CORO2B: variants seen among roughly 807,000 people sequenced by gnomAD.
CORO2B encodes coronin-2B.
Under a neutral mutation model 58.8 loss-of-function variants are expected in CORO2B, and 26 were observed. The ratio of observed to expected loss-of-function variants is 0.44; its 90% CI spans 0.32 to 0.61. The LOEUF is 0.61. Among genes scored for constraint, CORO2B ranks in the 20% least tolerant of loss-of-function variants. The probability of loss-of-function intolerance (pLI) is 0.04; values close to 1 mark genes in which losing one functional copy is unlikely to be tolerated. For synonymous variants in CORO2B, 242 were observed against 253.8 expected (o/e 0.95, Z 0.44); for missense variants, 460 against 645.1 (o/e 0.71, Z 3.11).
At chr15:68,545,526 A>C in the CORO2B span, among the ~76,000 whole-genome samples, 1 of 149,722 alleles carries the variant, frequency 6.7e-6, no homozygotes, top group Non-Finnish European at 1.5e-5. Flanking sequence ...ATCTTCTGGA[A>C]GCTCCCTGAG....
chr15:68,589,619 T>C lies in CORO2B; in HGVS notation c.15+10342T>C, dbSNP rs1595954622. On this transcript the variant is annotated intron_variant, in intron 1 of 11. Coordinates refer to ENST00000261861, the MANE Select transcript of CORO2B (RefSeq NM_006091.5). ...GAGTGGGAACTGGGGCTCCCCCAAGTTACTGCTCAGGTTGGGTTTTCCAAT... is the reference window on the plus strand; with the variant it reads ...GAGTGGGAACTGGGGCTCCCCCAAGCTACTGCTCAGGTTGGGTTTTCCAAT... Among the ~76,000 whole-genome samples the C allele has an allele frequency of 4.6e-5, 7 of 152,356 alleles. 1 individual carries two copies. Among genetic ancestry groups the C allele is most frequent in the Admixed American group, 4.6e-4 (7 of 15,308 alleles).
chr15:68,590,184 G>T (rs1338074116), intron 1 of CORO2B, among the ~76,000 whole-genome samples: 1 of 152,102 alleles, frequency 6.6e-6, no homozygotes, highest in African/African-American at 2.4e-5. Flanking sequence ...GAGAGTGGGT[G>T]GAGGGAAGGG....
the CORO2B span, among the ~76,000 whole-genome samples, chr15:68,546,859 C>T: frequency 6.6e-6 from 1 of 152,136 alleles, no homozygotes; most frequent in Admixed American, 6.5e-5. Context: ...AGGGAATACT[C>T]CTCTAATATT....
At chr15:68,698,193 C>T (rs1484790969) in intron 3 of CORO2B, among the ~76,000 whole-genome samples, 1 of 152,242 alleles carries the variant, frequency 6.6e-6, no homozygotes, top group Non-Finnish European at 1.5e-5. Flanking sequence ...CTGCTCGCTG[C>T]AAAGCCCATG....
In CORO2B at chr15:68,645,206, A is replaced by G; in HGVS notation, c.62A>G (p.Tyr21Cys). 6.2e-7 allele frequency: 1 copy of G among 1,613,962 alleles called. No homozygotes were observed. The highest frequency in any genetic ancestry group is 1.1e-5 in the South Asian group (1 of 91,076). The stretch of plus-strand genomic sequence containing the variant: ...CGTAGCTCCAAGTTCCGGAATGTCT[A>G]CGGGAAGGTGGCCAACCGGGAGCAC... ...QYRSSKFRNV[Y>C]GKVANREHCF... Residue 21 changes from tyrosine (Y) to cysteine (C), a missense_variant, in exon 2 of 12, where the codon TAC becomes TGC. Tyr to Cys is a radical substitution (Grantham distance 194). This residue lies in a region of CORO2B where 352 missense variants were observed against 543.0 expected (regional missense o/e 0.65). Coordinates refer to ENST00000261861, the MANE Select transcript of CORO2B (RefSeq NM_006091.5). This position sits in a 1 kb window ranked among gnomAD's most constrained non-coding sequence, Gnocchi z 4.5.
At chr15:68,570,726 G>A in the CORO2B span, among the ~76,000 whole-genome samples, 2 of 151,136 alleles carry the variant, frequency 1.3e-5, no homozygotes, top group African/African-American at 2.4e-5. Context: ...GAAAGGGTCT[G>A]TGTTCAAACA....
chr15:68,722,426 G>A (rs953403895), intron 11 of CORO2B, among the ~76,000 whole-genome samples: 1 of 152,158 alleles, frequency 6.6e-6, no homozygotes, highest in Admixed American at 6.5e-5. Flanking sequence ...TGTCAAAGGT[G>A]GACGCATTGA....
chr15:68,593,647 C>A (rs1899757156), intron 1 of CORO2B, among the ~76,000 whole-genome samples: 1 of 152,068 alleles, frequency 6.6e-6, no homozygotes, highest in Non-Finnish European at 1.5e-5. Context: ...GGGAAGAAGA[C>A]CCTCTCTGGG....
chr15:68,561,720 G>A, the CORO2B span, among the ~76,000 whole-genome samples: 1 of 152,210 alleles, frequency 6.6e-6, no homozygotes, highest in Non-Finnish European at 1.5e-5. Flanking sequence ...ATCGTGTACA[G>A]GACTGAAAGA....
rs1051401789 is a variant in CORO2B at position 68,579,170 on chromosome 15, G to C, written c.-93G>C. On this transcript the variant is annotated 5_prime_UTR_variant, in exon 1 of 12. Coordinates refer to ENST00000261861, the MANE Select transcript of CORO2B (RefSeq NM_006091.5). The stretch of plus-strand genomic sequence containing the variant: ...CGGCGGGGCGCGGGGAGCGAGCCGG[G>C]AGCTGCCGGACCCCCTTCCGCCGCC... 10 of 981,696 alleles carry C rather than the reference G, an allele frequency of 1.0e-5. No individual in the cohort carries two copies. Among genetic ancestry groups the C allele is most frequent in the Non-Finnish European group, 1.1e-5 (9 of 828,740 alleles). The allele number at this position is 981,696 out of a possible 1,614,324, so 60.8% of individuals were successfully genotyped here.
chr15:68,600,450 A>G (rs952946232), intron 1 of CORO2B, among the ~76,000 whole-genome samples: 1 of 152,232 alleles, frequency 6.6e-6, no homozygotes. Context: ...CTCCTCCAGC[A>G]TGGATAACCA....
Position 68,726,986 on chromosome 15 carries a change from C to T in CORO2B, c.*1012C>T, listed in dbSNP as rs1364246801. ...CCTAGATCCTTCAGGTCCCCACCCT[C>T]AGCTGTCACCACCACCCTCCCCAGG... On this transcript the variant is annotated 3_prime_UTR_variant, in exon 12 of 12. Transcript: ENST00000261861. 1 of 152,418 alleles carries T rather than the reference C, an allele frequency of 6.6e-6. No homozygotes were observed. The highest frequency in any genetic ancestry group is 2.4e-5 in the African/African-American group (1 of 41,452). 9.4% of individuals were successfully genotyped at this position (152,418 alleles called of 1,614,324 possible). A position where few individuals can be genotyped will look rare whatever the true frequency, so the allele number is the denominator to read the frequency against.
At chr15:68,625,852 C>T (rs12915858) in intron 1 of CORO2B, among the ~76,000 whole-genome samples, 2 of 151,552 alleles carry the variant, frequency 1.3e-5, no homozygotes, top group Admixed American at 1.3e-4. Context: ...CAATCTGCCC[C>T]CCTTGGCCTC....
rs1348927165 is a variant in CORO2B at position 68,645,098 on chromosome 15, C to T, written c.16-62C>T. ...CCGCAGCTTCCCTCCCCCAAGAGCCCAGCCGAGGCCCTTCATGGCACAGGG... is the reference window on the plus strand; with the variant it reads ...CCGCAGCTTCCCTCCCCCAAGAGCCTAGCCGAGGCCCTTCATGGCACAGGG... On this transcript the variant is annotated intron_variant, in intron 1 of 11. Transcript: ENST00000261861. This position sits in a 1 kb window ranked among gnomAD's most constrained non-coding sequence, Gnocchi z 4.5. The T allele has an allele frequency of 6.5e-7, 1 of 1,549,238 alleles. No individual in the cohort carries two copies. Among genetic ancestry groups the T allele is most frequent in the Non-Finnish European group, 8.8e-7 (1 of 1,137,300 alleles).
At chr15:68,585,910 A>G (rs1450863867) in intron 1 of CORO2B, among the ~76,000 whole-genome samples, 3 of 152,190 alleles carry the variant, frequency 2.0e-5, no homozygotes, top group East Asian at 3.9e-4. Context: ...ACAAAGTATG[A>G]CAGAGGCAGA....
intron 11 of CORO2B, among the ~76,000 whole-genome samples, chr15:68,724,646 T>C (rs912813454): frequency 1.7e-4 from 26 of 152,320 alleles, no homozygotes; most frequent in Middle Eastern, 6.8e-3. Flanking sequence ...TCTAAAGCAT[T>C]TAATTAAGTT....
chr15:68,648,192 G>A (rs1004965638), intron 2 of CORO2B, among the ~76,000 whole-genome samples: 1 of 150,498 alleles, frequency 6.6e-6, no homozygotes, highest in Non-Finnish European at 1.5e-5. Context: ...AATTAGCTGG[G>A]CATGATGGCA....
chr15:68,714,084 A>C (rs1344249104), intron 6 of CORO2B, 43 bp downstream of exon 6: 1 of 1,348,198 alleles, frequency 7.4e-7, no homozygotes, highest in African/African-American at 1.4e-5. Context: ...TAAAGGAAGC[A>C]TCGTTGCCTC....
In CORO2B at chr15:68,691,327, C is replaced by CAAAAAAAAAAAAA. The variant is rs1192260415; in HGVS notation, c.217-3809_217-3797dup. 2.3e-3 allele frequency among the ~76,000 whole-genome samples: 22 copies of CAAAAAAAAAAAAA among 9,540 alleles called. 1 individual carries two copies. Among genetic ancestry groups the CAAAAAAAAAAAAA allele is most frequent in the Non-Finnish European group, 5.4e-3 (17 of 3,140 alleles). 6.3% of individuals were successfully genotyped at this position (9,540 alleles called of 152,430 possible). ...CCTGGGAGACAGCGAGACTCCGTCT[C>CAAAAAAAAAAAAA]AAAAAAAAAAAAAAAAGGCCGGGCG... On this transcript the variant is annotated intron_variant, in intron 2 of 11. Transcript: ENST00000261861.
Sources: allele counts gnomAD v4.1 joint callset (sites outside exome capture counted in the v4.1 genomes callset), GRCh38; gene constraint gnomAD v4.1.1; regional missense constraint gnomAD v4.1.1; non-coding constraint Gnocchi (gnomAD v3.1); transcripts MANE v1.5; gene names NCBI Gene and HGNC (gene_info 2026-07-23, HGNC 2026-07-21).